The following CNBD1 variants were observed in gnomAD, a reference collection of about 807,000 sequenced individuals.
CNBD1 encodes cyclic nucleotide-binding domain-containing protein 1.
Under a neutral mutation model 54.4 loss-of-function variants are expected in CNBD1, and 71 were observed. That is an observed-to-expected ratio of 1.30 (90% CI 1.08 to 1.59). The LOEUF (loss-of-function observed/expected upper bound fraction) is 1.59, where lower values mean the gene tolerates loss of function less well. Among genes scored for constraint, CNBD1 ranks in the 40% most tolerant of loss-of-function variants. The pLI is 0.00. For missense variants in CNBD1, 659 were observed against 518.0 expected (o/e 1.27, Z -2.64); for synonymous variants, 182 against 170.7 (o/e 1.07, Z -0.51).
rs568123252 is a variant in CNBD1 at position 87,282,481 on chromosome 8, T to C, written c.772-2197T>C. 2.0e-5 allele frequency among the ~76,000 whole-genome samples: 3 copies of C among 151,920 alleles called. No individual in the cohort carries two copies. In the South Asian group the frequency reaches 6.2e-4, roughly 31 times the overall value. ...TTTCTTTACTCTTACTCTAAATTGC[T>C]ATTTCAAGTAAATAAAGAATTCTGG... On this transcript the variant is annotated intron_variant, in intron 6 of 10. Coordinates refer to ENST00000518476, the MANE Select transcript of CNBD1 (RefSeq NM_173538.3).
At chr8:87,346,503 T>C (rs1563563068) in intron 8 of CNBD1, among the ~76,000 whole-genome samples, 2 of 152,072 alleles carry the variant, frequency 1.3e-5, no homozygotes, top group Non-Finnish European at 2.9e-5. Context: ...CTTCCATAAG[T>C]GTAGTCTTAT....
intron 8 of CNBD1, among the ~76,000 whole-genome samples, chr8:87,339,424 A>C (rs1334516412): frequency 6.6e-6 from 1 of 151,996 alleles, no homozygotes; most frequent in Non-Finnish European, 1.5e-5. Context: ...TGCTCTGTTA[A>C]GTTTTGATTG....
At chr8:86,974,711 C>T (rs539427117) in intron 4 of CNBD1, among the ~76,000 whole-genome samples, 4 of 151,536 alleles carry the variant, frequency 2.6e-5, no homozygotes, top group Non-Finnish European at 5.9e-5. Flanking sequence ...ATAAGTAATA[C>T]CAAATATAAT....
At chr8:87,081,132 G>A (rs375863289) in intron 4 of CNBD1, among the ~76,000 whole-genome samples, 1 of 151,878 alleles carries the variant, frequency 6.6e-6, no homozygotes, top group African/African-American at 2.4e-5. Context: ...TTTAAAATAA[G>A]CATTTAGTCT....
intron 8 of CNBD1, among the ~76,000 whole-genome samples, chr8:87,329,983 A>C (rs1244265735): frequency 6.6e-6 from 1 of 151,958 alleles, no homozygotes; most frequent in African/African-American, 2.4e-5. Context: ...CTTAGTAGAA[A>C]TACTCCTAGT....
intron 4 of CNBD1, among the ~76,000 whole-genome samples, chr8:87,025,210 A>G (rs1270784736): frequency 4.6e-5 from 7 of 152,144 alleles, no homozygotes; most frequent in Non-Finnish European, 8.8e-5. Context: ...TGTAAAATGG[A>G]CCAATCAGCG....
At chr8:87,302,523 G>A (rs539627137) in intron 8 of CNBD1, among the ~76,000 whole-genome samples, 7 of 152,000 alleles carry the variant, frequency 4.6e-5, no homozygotes, top group Admixed American at 2.0e-4. Flanking sequence ...CAAACCCACA[G>A]CCAATATCCT....
intron 4 of CNBD1, among the ~76,000 whole-genome samples, chr8:87,085,428 CTT>C (rs1004164513): frequency 1.3e-5 from 2 of 151,688 alleles, no homozygotes; most frequent in African/African-American, 2.4e-5. Context: ...TTTATTGAGT[CTT>C]TTTTTTATTT....
At chr8:87,120,148 AATTAGT>A (rs1351023112) in intron 4 of CNBD1, among the ~76,000 whole-genome samples, 2 of 151,906 alleles carry the variant, frequency 1.3e-5, no homozygotes, top group African/African-American at 4.8e-5. Flanking sequence ...GTTTCAGGAG[AATTAGT>A]ATTAGTTCTT....
chr8:87,068,871 C>A (rs561663255), intron 4 of CNBD1, among the ~76,000 whole-genome samples: 4 of 152,118 alleles, frequency 2.6e-5, no homozygotes, highest in Admixed American at 2.6e-4. Context: ...GGAGGTAAAG[C>A]CTCAGAGCTC....
chr8:87,297,972 CTATATT>C (rs1808912042), intron 8 of CNBD1, among the ~76,000 whole-genome samples: 1 of 151,046 alleles, frequency 6.6e-6, no homozygotes, highest in African/African-American at 2.4e-5. Flanking sequence ...ATATCTATAT[CTATATT>C]AAGATCCTTA....
intron 1 of CNBD1, among the ~76,000 whole-genome samples, chr8:86,875,561 ATCTT>A (rs1391521441): frequency 2.0e-5 from 3 of 152,190 alleles, no homozygotes; most frequent in Non-Finnish European, 4.4e-5. Flanking sequence ...ACTGATTTGT[ATCTT>A]TCTTTCTAAT....
At chr8:87,371,388 T>A (rs1810791244) in intron 10 of CNBD1, among the ~76,000 whole-genome samples, 1 of 152,046 alleles carries the variant, frequency 6.6e-6, no homozygotes, top group Non-Finnish European at 1.5e-5. Flanking sequence ...TTTGTTTGTA[T>A]CCTCTTTTAT....
intron 10 of CNBD1, among the ~76,000 whole-genome samples, chr8:87,371,905 G>A (rs1035422051): frequency 3.3e-5 from 5 of 151,830 alleles, no homozygotes; most frequent in African/African-American, 9.7e-5. Flanking sequence ...AAAACTGGAA[G>A]CATTCCCTTT....
rs201446099 is a variant in CNBD1, at chr8:87,006,899, A to T, written c.431+67145A>T. Among the ~76,000 whole-genome samples the T allele has an allele frequency of 3.5e-4, 54 of 152,374 alleles. No individual in the cohort carries two copies. The East Asian group carries it at 5.8e-3, about 16-fold the overall frequency. The stretch of plus-strand genomic sequence containing the variant: ...GTTAGTACGTAATTGAACATTGTAC[A>T]ATAAAACTTCTTATTGGCCGGGTGC... On this transcript the variant is annotated intron_variant, in intron 4 of 10. Coordinates refer to ENST00000518476, the MANE Select transcript of CNBD1 (RefSeq NM_173538.3).
intron 4 of CNBD1, among the ~76,000 whole-genome samples, chr8:87,056,224 C>A (rs1810414514): frequency 6.6e-6 from 1 of 152,116 alleles, no homozygotes; most frequent in Non-Finnish European, 1.5e-5. Flanking sequence ...CTACCTCTAA[C>A]TGCAGGAATG....
At chr8:87,311,397 G>T (rs1809261373) in intron 8 of CNBD1, among the ~76,000 whole-genome samples, 1 of 152,058 alleles carries the variant, frequency 6.6e-6, no homozygotes, top group Non-Finnish European at 1.5e-5. Context: ...ACAACTAGGA[G>T]ATACCATCTC....
At chr8:87,319,857 A>G (rs1041710719) in intron 8 of CNBD1, among the ~76,000 whole-genome samples, 15 of 152,096 alleles carry the variant, frequency 9.9e-5, no homozygotes, top group Non-Finnish European at 1.9e-4. Context: ...GGTAATGTGT[A>G]TGAGCCTACA....
intron 4 of CNBD1, among the ~76,000 whole-genome samples, chr8:87,174,937 C>T (rs1429142521): frequency 6.6e-6 from 1 of 152,168 alleles, no homozygotes; most frequent in Non-Finnish European, 1.5e-5. Context: ...GTCTTCCTCT[C>T]TGTGCTGAGC....
Sources: gnomAD v4.1 joint callset for allele counts (sites outside exome capture counted in the v4.1 genomes callset) on GRCh38, gnomAD v4.1.1 for gene constraint, MANE v1.5 for transcripts, NCBI Gene and HGNC (gene_info 2026-07-23, HGNC 2026-07-21) for gene names.